BCR: variants seen among roughly 807,000 people sequenced by gnomAD.
BCR encodes BCR activator of RhoGEF and GTPase.
Under a neutral mutation model 138.6 loss-of-function variants are expected in BCR, and 58 were observed. The observed-to-expected ratio is 0.42, with a 90% CI of 0.34 to 0.52. The LOEUF is 0.52. Ranked by LOEUF, BCR falls within the 20% of genes least tolerant of loss-of-function variation. The pLI is 0.06. For synonymous variants in BCR, 786 were observed against 730.1 expected (o/e 1.08, Z -1.23); for missense variants, 1,599 against 1,727.2 (o/e 0.93, Z 1.32).
intron 4 of BCR, among the ~76,000 whole-genome samples, chr22:23,265,610 G>GTTTTATCAACTCAGAAT (rs2073432004): frequency 6.6e-6 from 1 of 152,348 alleles, no homozygotes; most frequent in African/African-American, 2.4e-5. Flanking sequence ...TCTGGCTGAA[G>GTTTTATCAACTCAGAAT]TTTTATCAAC....
chr22:23,189,908 C>T lies in BCR; in HGVS notation c.1279+7669C>T, dbSNP rs138827418. 3.2e-3 allele frequency among the ~76,000 whole-genome samples: 495 copies of T among 152,350 alleles called. 2 individuals carry two copies. Among genetic ancestry groups the T allele is most frequent in the Non-Finnish European group, 5.1e-3 (350 of 68,036 alleles). On this transcript the variant is annotated intron_variant, in intron 1 of 22. Transcript: ENST00000305877. The stretch of plus-strand genomic sequence containing the variant: ...AATGGCGATCTTCCCTGGGCCTTCA[C>T]GCCCTTAGCTTTGAAGTGGCCCAGA...
chr22:23,181,234 G>T lies in BCR; in HGVS notation c.274G>T (p.Ala92Ser), dbSNP rs1375235497. 2 of 1,234,802 alleles carry T rather than the reference G, an allele frequency of 1.6e-6. No homozygotes were observed. Among genetic ancestry groups the T allele is most frequent in the South Asian group, 6.9e-5 (2 of 29,082 alleles). The allele number at this position is 1,234,802 out of a possible 1,614,324, so 76.5% of individuals were successfully genotyped here. A position where few individuals can be genotyped will look rare whatever the true frequency, so the allele number is the denominator to read the frequency against. Residue 92 changes from alanine (A) to serine (S), a missense_variant, in exon 1 of 23, where the codon GCG becomes TCG. Physicochemically the swap from Ala to Ser is moderately conservative, Grantham distance 99. Transcript: ENST00000305877. ...CCCCGACGGCGCCTCCGAGCCCCGA[G>T]CGTCCGCGTCGCGCCCGCAGCCAGC... The part of the protein sequence containing the change: ...QAPDGASEPR[A>S]SASRPQPAPA...
Position 23,314,618 on chromosome 22 carries a change from G to T in BCR, c.3630G>T (p.Thr1210=). The change falls in exon 22 of 23, where the codon ACG becomes ACT. Residue 1210 remains threonine, a synonymous_variant. Coordinates refer to ENST00000305877, the MANE Select transcript of BCR (RefSeq NM_004327.4). ...LHNLATVFGP[T]LLRPSEKESK... Reference sequence around the variant, plus strand: ...ACCTCGCCACGGTCTTTGGCCCCACGCTGCTCCGGCCCTCCGAGAAGGAGA... The same window carrying T: ...ACCTCGCCACGGTCTTTGGCCCCACTCTGCTCCGGCCCTCCGAGAAGGAGA... 4 of 1,611,910 alleles carry T rather than the reference G, an allele frequency of 2.5e-6. No individual in the cohort carries two copies. The highest frequency in any genetic ancestry group is 2.5e-6 in the Non-Finnish European group (3 of 1,179,816).
chr22:23,249,598 A>G (rs1268434683), intron 1 of BCR, among the ~76,000 whole-genome samples: 1 of 151,388 alleles, frequency 6.6e-6, no homozygotes, highest in Non-Finnish European at 1.5e-5. Context: ...AAATAAAATC[A>G]CGGGTGGGGG....
intron 1 of BCR, among the ~76,000 whole-genome samples, chr22:23,215,718 T>C (rs143620234): frequency 1.3e-3 from 205 of 152,318 alleles, no homozygotes; most frequent in African/African-American, 4.8e-3. Context: ...CGCTTAGTTA[T>C]GACACTGCCT....
chr22:23,280,172 A>T (rs1309073795), intron 8 of BCR, among the ~76,000 whole-genome samples: 1 of 152,198 alleles, frequency 6.6e-6, no homozygotes, highest in Non-Finnish European at 1.5e-5. Flanking sequence ...TTTCAGCCCT[A>T]ACAGTATGCT....
intron 1 of BCR, among the ~76,000 whole-genome samples, chr22:23,188,931 A>G (rs2072380922): frequency 6.6e-6 from 1 of 152,150 alleles, no homozygotes; most frequent in Non-Finnish European, 1.5e-5. Flanking sequence ...CAGTGGCACG[A>G]TCTAGGCTCA....
chr22:23,198,110 A>G (rs2072504461), intron 1 of BCR: 2 of 278,912 alleles, frequency 7.2e-6, no homozygotes, highest in Non-Finnish European at 1.4e-5. Context: ...GCTAAAAGGA[A>G]GTGACTGTTA....
chr22:23,200,117 T>C (rs1173919209), intron 1 of BCR, among the ~76,000 whole-genome samples: 2 of 149,870 alleles, frequency 1.3e-5, no homozygotes, highest in Admixed American at 1.3e-4. Context: ...ACAAGGCATA[T>C]GACAGGGCAT....
At chr22:23,195,610 G>T (rs2072469908) in intron 1 of BCR, among the ~76,000 whole-genome samples, 1 of 151,270 alleles carries the variant, frequency 6.6e-6, no homozygotes, top group Admixed American at 6.6e-5. Context: ...AAACCGGCCG[G>T]GCGCGGTGGC....
At chr22:23,314,148 C>A in intron 21 of BCR, 75 bp downstream of exon 21, 1 of 1,197,366 alleles carries the variant, frequency 8.4e-7, no homozygotes, top group Non-Finnish European at 1.2e-6. Flanking sequence ...TCCCACTAGA[C>A]CCCCAACACC....
intron 15 of BCR, among the ~76,000 whole-genome samples, chr22:23,293,064 C>T (rs935821275): frequency 6.6e-6 from 1 of 151,896 alleles, no homozygotes; most frequent in Admixed American, 6.6e-5. Flanking sequence ...TTGCTTGTCT[C>T]GGGGTGTTGG....
chr22:23,268,549 G>A (rs557156510), intron 5 of BCR, 34 bp downstream of exon 5: 23 of 1,544,536 alleles, frequency 1.5e-5, no homozygotes, highest in Admixed American at 5.1e-5. Flanking sequence ...CAGGTGCACC[G>A]CTGACTCCCA....
At chr22:23,313,126 T>C in intron 20 of BCR, 105 bp downstream of exon 20, 1 of 1,390,494 alleles carries the variant, frequency 7.2e-7, no homozygotes, top group Non-Finnish European at 9.7e-7. Flanking sequence ...CTGTGCCCCC[T>C]CTGCCATGGT....
At chr22:23,280,484 C>T (rs954782259) in intron 8 of BCR, among the ~76,000 whole-genome samples, 2 of 152,202 alleles carry the variant, frequency 1.3e-5, no homozygotes, top group Non-Finnish European at 2.9e-5. Flanking sequence ...CTGTCACATT[C>T]CCACCTGCAG....
chr22:23,269,044 C>T (rs2073478281), intron 5 of BCR, among the ~76,000 whole-genome samples: 1 of 152,244 alleles, frequency 6.6e-6, no homozygotes, highest in African/African-American at 2.4e-5. Flanking sequence ...GGCCCCAGGT[C>T]TGAGAGGCTG....
Position 23,275,236 on chromosome 22 carries a change from C to A in BCR, c.2115+1462C>A, listed in dbSNP as rs532884823. Among the ~76,000 whole-genome samples the A allele has an allele frequency of 8.5e-5, 13 of 152,362 alleles. No homozygotes were observed. In the East Asian group the frequency reaches 2.5e-3, roughly 29 times the overall value. ...ATGGAGGAGGAGGGAGCTGTCCCTT[C>A]CATTCCGCTCTCCGGCTTGTCCAAG... is the stretch of plus-strand genomic sequence containing the variant. On this transcript the variant is annotated intron_variant, in intron 8 of 22. Transcript: ENST00000305877.
At chr22:23,284,451 G>A (rs764532339) in intron 9 of BCR, among the ~76,000 whole-genome samples, 12 of 151,960 alleles carry the variant, frequency 7.9e-5, no homozygotes, top group African/African-American at 1.4e-4. Context: ...GTGGCTTTCC[G>A]AGTTATCCTC....
At chr22:23,276,812 G>A (rs78667097) in intron 8 of BCR, among the ~76,000 whole-genome samples, 3,082 of 152,330 alleles carry the variant, frequency 0.02, 100 homozygotes, top group African/African-American at 0.071. Flanking sequence ...ATGCCAGATG[G>A]GCGAAGCCCC....
Sources: allele counts gnomAD v4.1 joint callset (sites outside exome capture counted in the v4.1 genomes callset), GRCh38; gene constraint gnomAD v4.1.1; transcripts MANE v1.5; gene names NCBI Gene and HGNC (gene_info 2026-07-23, HGNC 2026-07-21).